The following XAB2 variants were observed in gnomAD, a reference collection of about 807,000 sequenced individuals.
XAB2 encodes XPA binding protein 2.
XAB2 carries 57 observed loss-of-function variants against 113.4 expected under a neutral mutation model. The observed-to-expected ratio is 0.50, with a 90% CI of 0.41 to 0.63. The LOEUF is 0.63. Ranked by LOEUF, XAB2 falls within the 20% of genes least tolerant of loss-of-function variation. XAB2 has a pLI of 0.00. For missense variants in XAB2, 1,037 were observed against 1,233.3 expected, an observed-to-expected ratio of 0.84 and a Z score of 2.38; for synonymous variants, 497 against 498.8, an observed-to-expected ratio of 1.00 and a Z score of 0.05.
At position 7,623,404 on chromosome 19, in the gene XAB2, G is replaced by A. The variant is rs2031076958; in HGVS notation, c.1120-115C>T. On this transcript the variant is annotated intron_variant, in intron 8 of 18. Transcript: ENST00000358368. The surrounding 1 kb of genome is among the most constrained non-coding windows in gnomAD (Gnocchi z 4.6). The stretch of plus-strand genomic sequence containing the variant: ...GAGGGTGCTGTGGCCCCTGTCGGGA[G>A]AGGCCAGAAACGAACTATGGCCCTT... The A allele has an allele frequency of 2.8e-6, 4 of 1,419,484 alleles. No homozygotes were observed. In the South Asian group the frequency reaches 5.0e-5, roughly 18 times the overall value. The allele number at this position is 1,419,484 out of a possible 1,614,324, so 87.9% of individuals were successfully genotyped here. A position where few individuals can be genotyped will look rare whatever the true frequency, so the allele number is the denominator to read the frequency against.
At position 7,623,022 on chromosome 19, in the gene XAB2, A is replaced by T. The variant is rs4134849; in HGVS notation, c.1240-129T>A. 31 of 1,537,294 alleles carry T rather than the reference A, an allele frequency of 2.0e-5. No homozygotes were observed. In the South Asian group the frequency reaches 3.0e-4, roughly 15 times the overall value. ...CACACAGGCACACACACAGGCACAC[A>T]CATGCGTGCACATATGCATGCACCC... On this transcript the variant is annotated intron_variant, in intron 9 of 18. Coordinates refer to ENST00000358368, the MANE Select transcript of XAB2 (RefSeq NM_020196.3). This position sits in a 1 kb window ranked among gnomAD's most constrained non-coding sequence, Gnocchi z 4.6.
chr19:7,627,887 G>T lies in XAB2; in HGVS notation c.201-36C>A. ...GGAGGGGACAGATGCTGATCGGTCA[G>T]CTTTATGGACACCCCCAGAACCATT... On this transcript the variant is annotated intron_variant, in intron 2 of 18. Coordinates refer to ENST00000358368, the MANE Select transcript of XAB2 (RefSeq NM_020196.3). This position sits in a 1 kb window ranked among gnomAD's most constrained non-coding sequence, Gnocchi z 4.5. 6.3e-7 allele frequency: 1 copy of T among 1,598,690 alleles called. No homozygotes were observed.
chr19:7,623,388 G>C lies in XAB2; in HGVS notation c.1120-99C>G. 1 of 1,502,616 alleles carries C rather than the reference G, an allele frequency of 6.7e-7. No individual in the cohort carries two copies. Among genetic ancestry groups the C allele is most frequent in the Non-Finnish European group, 9.0e-7 (1 of 1,106,810 alleles). The allele number at this position is 1,502,616 out of a possible 1,614,324, so 93.1% of individuals were successfully genotyped here. A position where few individuals can be genotyped will look rare whatever the true frequency, so the allele number is the denominator to read the frequency against. On this transcript the variant is annotated intron_variant, in intron 8 of 18. Coordinates refer to ENST00000358368, the MANE Select transcript of XAB2 (RefSeq NM_020196.3). The surrounding 1 kb of genome is among the most constrained non-coding windows in gnomAD (Gnocchi z 4.6). Reference sequence around the variant, plus strand: ...TGAGGGGTGGGGCCTGGAGGGTGCTGTGGCCCCTGTCGGGAGAGGCCAGAA... The same window carrying C: ...TGAGGGGTGGGGCCTGGAGGGTGCTCTGGCCCCTGTCGGGAGAGGCCAGAA...
In XAB2 at chr19:7,623,998, C is replaced by T; in HGVS notation, c.968-116G>A. On this transcript the variant is annotated intron_variant, in intron 7 of 18. Coordinates refer to ENST00000358368, the MANE Select transcript of XAB2 (RefSeq NM_020196.3). This position sits in a 1 kb window ranked among gnomAD's most constrained non-coding sequence, Gnocchi z 4.6. Reference sequence around the variant, plus strand: ...CCAGCCCCCAGCCAAGTGCTCTGGGCCCTAGACACTCAGCTCGGGTGTCCA... The same window carrying T: ...CCAGCCCCCAGCCAAGTGCTCTGGGTCCTAGACACTCAGCTCGGGTGTCCA... 1 of 1,302,550 alleles carries T rather than the reference C, an allele frequency of 7.7e-7. No homozygotes were observed. Among genetic ancestry groups the T allele is most frequent in the Non-Finnish European group, 1.0e-6 (1 of 971,034 alleles). 80.7% of individuals were successfully genotyped at this position (1,302,550 alleles called of 1,614,324 possible). A position where few individuals can be genotyped will look rare whatever the true frequency, so the allele number is the denominator to read the frequency against.
At position 7,628,524 on chromosome 19, in the gene XAB2, C is replaced by T. The variant is rs1040717874; in HGVS notation, c.52-226G>A. ...GAATTCAACTACCCAAAATCGAACC[C>T]AAATCATCAGACTTCTCAGTCATTA... On this transcript the variant is annotated intron_variant, in intron 1 of 18. Coordinates refer to ENST00000358368, the MANE Select transcript of XAB2 (RefSeq NM_020196.3). The surrounding 1 kb of genome is among the most constrained non-coding windows in gnomAD (Gnocchi z 4.6). Among the ~76,000 whole-genome samples, 4 of 152,132 alleles carry T rather than the reference C, an allele frequency of 2.6e-5. No individual in the cohort carries two copies. Among genetic ancestry groups the T allele is most frequent in the Non-Finnish European group, 5.9e-5 (4 of 68,040 alleles).
In XAB2 at chr19:7,621,215, C is replaced by T. The variant is rs777686042; in HGVS notation, c.1700G>A (p.Arg567His). ...CCGCTCCAGCTTGCGGCCCCCATAGCGGGCAATGAATTTGGTCAGGTAGGT... is the reference window on the plus strand; with the variant it reads ...CCGCTCCAGCTTGCGGCCCCCATAGTGGGCAATGAATTTGGTCAGGTAGGT... Reference protein sequence around the residue: ...WSTYLTKFIARYGGRKLERAR... With the variant: ...WSTYLTKFIAHYGGRKLERAR... The change falls in exon 13 of 19, where the codon CGC becomes CAC. Residue 567 changes from arginine to histidine, a missense_variant. Arg to His is a conservative substitution (Grantham distance 29). Transcript: ENST00000358368. 9.3e-6 allele frequency: 15 copies of T among 1,613,078 alleles called. No individual in the cohort carries two copies. The highest frequency in any genetic ancestry group is 1.7e-4 in the Middle Eastern group (1 of 6,060).
intron 12 of XAB2, 24 bp from the exon 13 acceptor site, chr19:7,621,321 T>C (rs2146183876): frequency 6.2e-7 from 1 of 1,609,324 alleles, no homozygotes; most frequent in East Asian, 2.2e-5. Context: ...GAGAGTCACA[T>C]GTGAGAGTCT....
rs138706386 is a variant in XAB2 at position 7,626,204 on chromosome 19, C to T, written c.589G>A (p.Ala197Thr). ...TTCACCACGGTGGCCAGGCGCTGGG[C>T]GGCCTCATCCAGCCGGTCACTTGAC... is the stretch of plus-strand genomic sequence containing the variant. Reference protein sequence around the residue: ...LKSSDRLDEAAQRLATVVNDE... With the variant: ...LKSSDRLDEATQRLATVVNDE... Residue 197 changes from alanine to threonine, a missense_variant, in exon 5 of 19, where the codon GCC (alanine) becomes ACC (threonine). Transcript: ENST00000358368. The T allele has an allele frequency of 8.7e-6, 14 of 1,613,594 alleles. No homozygotes were observed. The African/African-American group carries it at 1.2e-4, about 14-fold the overall frequency.
At chr19:7,621,366 T>C (rs1341879141) in intron 12 of XAB2, 69 bp from the exon 13 acceptor site, 3 of 1,573,546 alleles carry the variant, frequency 1.9e-6, no homozygotes, top group Non-Finnish European at 2.6e-6. Flanking sequence ...GGGATGTCCT[T>C]GGGTGGCGTC....
At chr19:7,620,489 G>A in intron 15 of XAB2, 43 bp from the exon 16 acceptor site, 1 of 1,609,142 alleles carries the variant, frequency 6.2e-7, no homozygotes. Flanking sequence ...GTGCCCGTGA[G>A]CTGGCTGACT....
Position 7,623,221 on chromosome 19 carries a change from A to T in XAB2, c.1188T>A (p.Thr396=). 6.2e-7 allele frequency: 1 copy of T among 1,613,788 alleles called. No homozygotes were observed. The highest frequency in any genetic ancestry group is 1.7e-5 in the Admixed American group (1 of 60,030). Residue 396 remains threonine, a synonymous_variant, in exon 9 of 19, where the codon ACT becomes ACA. Coordinates refer to ENST00000358368, the MANE Select transcript of XAB2 (RefSeq NM_020196.3). This position sits in a 1 kb window ranked among gnomAD's most constrained non-coding sequence, Gnocchi z 4.6. ...AAAACTTGGCAAACGCCACCCACAGAGTGTGGGGCTTGCCTGTGGCCTTGA... is the reference window on the plus strand; with the variant it reads ...AAAACTTGGCAAACGCCACCCACAGTGTGTGGGGCTTGCCTGTGGCCTTGA... ...DPFKATGKPH[T]LWVAFAKFYE...
At chr19:7,622,478 G>T (rs1198081993) in intron 11 of XAB2, 34 bp from the exon 12 acceptor site, 18 of 1,613,860 alleles carry the variant, frequency 1.1e-5, no homozygotes, top group Non-Finnish European at 1.4e-5. Flanking sequence ...GTTGGAGCTG[G>T]TTCTGGAGCT....
At chr19:7,619,726 C>T in intron 18 of XAB2, 21 bp downstream of exon 18, 1 of 1,612,970 alleles carries the variant, frequency 6.2e-7, no homozygotes, top group Non-Finnish European at 8.5e-7. Flanking sequence ...GCCACCGTCC[C>T]CGCCCCAGCC....
At chr19:7,620,500 C>G (rs200379177) in intron 15 of XAB2, 47 bp downstream of exon 15, 27 of 1,610,106 alleles carry the variant, frequency 1.7e-5, no homozygotes, top group Non-Finnish European at 2.3e-5. Context: ...CTGGCTGACT[C>G]CGCCGCAGCC....
rs1046499728 is a variant in XAB2, at chr19:7,625,511, C to T, written c.822+369G>A. 2.1e-5 allele frequency among the ~76,000 whole-genome samples: 3 copies of T among 141,042 alleles called. No homozygotes were observed. Among genetic ancestry groups the T allele is most frequent in the Non-Finnish European group, 4.5e-5 (3 of 66,446 alleles). 92.5% of individuals were successfully genotyped at this position (141,042 alleles called of 152,430 possible). On this transcript the variant is annotated intron_variant, in intron 6 of 18. Transcript: ENST00000358368. The surrounding 1 kb of genome is among the most constrained non-coding windows in gnomAD (Gnocchi z 5.2). Reference sequence around the variant, plus strand: ...TTTTTTTTTTTGAGATGGAGTCTCGCTCTGCCACCCAGGCTGGACTTCCGT... The same window carrying T: ...TTTTTTTTTTTGAGATGGAGTCTCGTTCTGCCACCCAGGCTGGACTTCCGT...
chr19:7,629,421 G>A (rs1275288323), intron 1 of XAB2, 56 bp downstream of exon 1: 2 of 1,555,156 alleles, frequency 1.3e-6, no homozygotes, highest in African/African-American at 1.4e-5. Flanking sequence ...ATCCCCTGCG[G>A]CGTCCAGGTC....
At chr19:7,629,097 C>A (rs985126026) in intron 1 of XAB2, among the ~76,000 whole-genome samples, 6 of 152,222 alleles carry the variant, frequency 3.9e-5, no homozygotes, top group Non-Finnish European at 7.3e-5. Flanking sequence ...GAAAACCAAG[C>A]CTTCATCCCA....
At chr19:7,626,481 G>T (rs1599373669) in intron 4 of XAB2, among the ~76,000 whole-genome samples, 1 of 152,080 alleles carries the variant, frequency 6.6e-6, no homozygotes, top group Admixed American at 6.5e-5. Context: ...CCCCCTGTGG[G>T]TCCTGCCTTG....
chr19:7,622,682 C>T (rs746890861), intron 10 of XAB2, 21 bp from the exon 11 acceptor site: 46 of 1,611,884 alleles, frequency 2.9e-5, no homozygotes, highest in Admixed American at 6.7e-5. Flanking sequence ...AGACAGTGGC[C>T]GGGGAGGCGC....
Sources: gnomAD v4.1 joint callset for allele counts (sites outside exome capture counted in the v4.1 genomes callset) on GRCh38, gnomAD v4.1.1 for gene constraint, Gnocchi (gnomAD v3.1) non-coding constraint, MANE v1.5 for transcripts, NCBI Gene and HGNC (gene_info 2026-07-23, HGNC 2026-07-21) for gene names.